Variants in ZNF346 observed in about 807,000 individuals in gnomAD.
ZNF346 encodes double-stranded RNA-binding zinc finger protein JAZ.
A neutral mutation model predicts 33.7 loss-of-function variants in ZNF346; 23 were observed. That is an observed-to-expected ratio of 0.68 (90% CI 0.49 to 0.97). ZNF346 has a LOEUF of 0.97. Ranked by LOEUF, ZNF346 falls within the 50% of genes least tolerant of loss-of-function variation. The probability of loss-of-function intolerance (pLI) is 0.00; values close to 1 mark genes in which losing one functional copy is unlikely to be tolerated. For synonymous variants in ZNF346, 134 were observed against 142.4 expected (o/e 0.94, Z 0.42); for missense variants, 340 against 371.1 (o/e 0.92, Z 0.69).
intron 5 of ZNF346, among the ~76,000 whole-genome samples, chr5:177,055,838 G>A (rs1282492994): frequency 6.6e-6 from 1 of 152,068 alleles, no homozygotes; most frequent in African/African-American, 2.4e-5. Flanking sequence ...CACTTTGGGA[G>A]GCCGAGGCAG....
intron 1 of ZNF346, among the ~76,000 whole-genome samples, chr5:177,039,262 A>G (rs1330872172): frequency 6.6e-6 from 1 of 152,142 alleles, no homozygotes; most frequent in Non-Finnish European, 1.5e-5. Context: ...TTTTCAGAGC[A>G]TAGCTAAGAC....
intron 8 of ZNF346, among the ~76,000 whole-genome samples, chr5:177,073,932 T>A (rs73806720): frequency 6.6e-6 from 1 of 152,050 alleles, no homozygotes; most frequent in African/African-American, 2.4e-5. Context: ...AGGTTAGGAC[T>A]TAAGTGCTCA....
At chr5:177,079,493 G>A (rs772818169) in exon 9 of ZNF346, 5 of 152,152 alleles carry the variant, frequency 3.3e-5, no homozygotes, top group African/African-American at 7.2e-5. Context: ...CAAATGTGAC[G>A]GCAGCAGCTG....
At chr5:177,044,265 T>G in intron 3 of ZNF346, 124 bp from the exon 4 acceptor site, 1 of 1,015,340 alleles carries the variant, frequency 9.8e-7, no homozygotes, top group Middle Eastern at 3.2e-4. Context: ...ATCTAGAAAG[T>G]AGGTTGGGGT....
chr5:177,049,055 G>A (rs1046260875), intron 4 of ZNF346, among the ~76,000 whole-genome samples: 1 of 151,896 alleles, frequency 6.6e-6, no homozygotes, highest in Non-Finnish European at 1.5e-5. Context: ...CAAAGTGCTG[G>A]GATTACAGGC....
intron 5 of ZNF346, among the ~76,000 whole-genome samples, chr5:177,056,860 C>T (rs1488875652): frequency 2.0e-5 from 3 of 152,188 alleles, no homozygotes; most frequent in South Asian, 2.1e-4. Flanking sequence ...TATATGTATA[C>T]GTGTGTAACA....
downstream of ZNF346, among the ~76,000 whole-genome samples, chr5:177,072,744 G>T (rs531694666): frequency 3.9e-5 from 6 of 152,260 alleles, no homozygotes; most frequent in South Asian, 1.2e-3. Context: ...AGCTACTCAG[G>T]AGGCTGAGGC....
At chr5:177,058,431 A>G (rs1173026430) in intron 5 of ZNF346, among the ~76,000 whole-genome samples, 1 of 151,986 alleles carries the variant, frequency 6.6e-6, no homozygotes. Flanking sequence ...AGATCACGCC[A>G]TTGCACTCCA....
intron 1 of ZNF346, among the ~76,000 whole-genome samples, chr5:177,038,255 C>CTT (rs1778801117): frequency 3.8e-5 from 4 of 105,728 alleles, no homozygotes; most frequent in East Asian, 3.0e-4. Context: ...TGCCCAACTA[C>CTT]GTTTTTTTTT....
At chr5:177,074,959 G>A (rs111423969) in intron 8 of ZNF346, among the ~76,000 whole-genome samples, 3,253 of 149,808 alleles carry the variant, frequency 0.022, 52 homozygotes, top group Non-Finnish European at 0.034. Context: ...CCAGCTACTC[G>A]GGAGGCTGAG....
At chr5:177,032,493 C>G (rs1325173962) in intron 1 of ZNF346, among the ~76,000 whole-genome samples, 1 of 152,054 alleles carries the variant, frequency 6.6e-6, no homozygotes, top group East Asian at 1.9e-4. Context: ...TCACTGCAAC[C>G]TCCACCTCCT....
At chr5:177,024,744 G>A (rs966037372) in intron 1 of ZNF346, among the ~76,000 whole-genome samples, 8 of 152,204 alleles carry the variant, frequency 5.3e-5, no homozygotes, top group Non-Finnish European at 1.2e-4. Context: ...AGTTGGAGGT[G>A]CACAAGAAGA....
Position 177,066,706 on chromosome 5 carries a change from T to C in ZNF346, c.*2107T>C, listed in dbSNP as rs971262573. ...TGTGATCATGCCTGTGAATAACCAC[T>C]GCACTCCAGCCAGGGCAACATAACA... On this transcript the variant is annotated 3_prime_UTR_variant, in exon 7 of 7. Coordinates refer to ENST00000358149, the MANE Select transcript of ZNF346 (RefSeq NM_012279.4). Among the ~76,000 whole-genome samples the C allele has an allele frequency of 6.7e-6, 1 of 150,334 alleles. No individual in the cohort carries two copies. Among genetic ancestry groups the C allele is most frequent in the South Asian group, 2.1e-4 (1 of 4,770 alleles).
At chr5:177,079,045 T>C (rs1357893941) in intron 8 of ZNF346, among the ~76,000 whole-genome samples, 7 of 150,818 alleles carry the variant, frequency 4.6e-5, no homozygotes, top group Non-Finnish European at 1.0e-4. Context: ...CTGAGGCAGG[T>C]GGATCACCTG....
chr5:177,052,172 A>ATT (rs772764834), intron 5 of ZNF346, among the ~76,000 whole-genome samples: 6,070 of 142,806 alleles, frequency 0.043, 338 homozygotes, highest in African/African-American at 0.12. Flanking sequence ...CAAAAAAACA[A>ATT]TTTTTTTTTT....
In ZNF346 at chr5:177,065,858, A is replaced by ATATGTG. The variant is rs1554158459; in HGVS notation, c.*1260_*1261insATGTGT. On this transcript the variant is annotated 3_prime_UTR_variant, in exon 7 of 7. Transcript: ENST00000358149. ...CCTTTGCTTTGCATATTGTGTGTGG[A>ATATGTG]TGTGTGTGTGTGTGTGTGTGTGTTT... 1 of 87,892 alleles carries ATATGTG rather than the reference A, an allele frequency of 1.1e-5. No individual in the cohort carries two copies. Among genetic ancestry groups the ATATGTG allele is most frequent in the African/African-American group, 3.1e-5 (1 of 32,710 alleles). 5.4% of individuals were successfully genotyped at this position (87,892 alleles called of 1,614,324 possible). A position where few individuals can be genotyped will look rare whatever the true frequency, so the allele number is the denominator to read the frequency against.
At chr5:177,038,505 T>A (rs1406121909) in intron 1 of ZNF346, among the ~76,000 whole-genome samples, 2 of 151,460 alleles carry the variant, frequency 1.3e-5, no homozygotes, top group African/African-American at 2.4e-5. Flanking sequence ...GTCATTGTCT[T>A]GCTTATTTTT....
chr5:177,074,555 G>A (rs1046406629), intron 8 of ZNF346, among the ~76,000 whole-genome samples: 14 of 152,200 alleles, frequency 9.2e-5, no homozygotes, highest in African/African-American at 3.1e-4. Context: ...GACTAAGGCA[G>A]GAGAATTTCT....
chr5:177,042,191 A>G (rs1561990816), intron 3 of ZNF346: 1 of 197,084 alleles, frequency 5.1e-6, no homozygotes, highest in East Asian at 1.1e-4. Flanking sequence ...AGAGCAAGAC[A>G]AGAGAAAATG....
Sources: allele counts gnomAD v4.1 joint callset (sites outside exome capture counted in the v4.1 genomes callset), GRCh38; gene constraint gnomAD v4.1.1; transcripts MANE v1.5; gene names NCBI Gene and HGNC (gene_info 2026-07-23, HGNC 2026-07-21).